Variants in IFT74 observed in about 807,000 individuals in gnomAD.
IFT74 encodes intraflagellar transport 74, also known as intraflagellar transport protein 74 homolog.
In IFT74, 92 loss-of-function variants were observed where a neutral mutation model predicts 96.7. That is an observed-to-expected ratio of 0.95 (90% confidence interval 0.80 to 1.13). IFT74 has a LOEUF of 1.13. Among genes scored for constraint, IFT74 ranks in the 50% most tolerant of loss-of-function variants. IFT74 has a pLI of 0.00. For synonymous variants in IFT74, 223 were observed against 213.2 expected, an observed-to-expected ratio of 1.05 and a Z score of -0.40; for missense variants, 811 against 698.2, an observed-to-expected ratio of 1.16 and a Z score of -1.82.
chr9:27,029,964 A>G (rs1328155273), intron 13 of IFT74, among the ~76,000 whole-genome samples: 1 of 152,062 alleles, frequency 6.6e-6, no homozygotes, highest in Non-Finnish European at 1.5e-5. Flanking sequence ...GAACTAATGC[A>G]GGTACCAGAA....
chr9:27,057,596 G>C (rs1219090272), intron 18 of IFT74, among the ~76,000 whole-genome samples: 2 of 152,226 alleles, frequency 1.3e-5, no homozygotes, highest in East Asian at 3.9e-4. Context: ...GGTGGTTCAC[G>C]CCTGTAATCC....
Position 26,961,953 on chromosome 9 carries a change from T to G in IFT74, c.-15T>G. 1 of 1,614,018 alleles carries G rather than the reference T, an allele frequency of 6.2e-7. No individual in the cohort carries two copies. Among genetic ancestry groups the G allele is most frequent in the Non-Finnish European group, 8.5e-7 (1 of 1,179,930 alleles). ...CTATTTATTGTTTCCAAACAGCGAT[T>G]AAAGTGAAGAAACAATGGCCAGCAA... On this transcript the variant is annotated 5_prime_UTR_variant, in exon 2 of 20. In the 5' UTR this introduces an upstream ATG that the reference lacks. Coordinates refer to ENST00000380062, the MANE Select transcript of IFT74 (RefSeq NM_025103.4).
intron 11 of IFT74, 61 bp downstream of exon 11, chr9:27,017,111 T>G: frequency 3.5e-6 from 5 of 1,442,954 alleles, no homozygotes; most frequent in Non-Finnish European, 4.7e-6. Flanking sequence ...ATTGATTTGT[T>G]TTTTTTAAAG....
intron 8 of IFT74, among the ~76,000 whole-genome samples, chr9:26,998,465 A>G (rs978573574): frequency 3.9e-5 from 6 of 152,196 alleles, no homozygotes; most frequent in African/African-American, 1.2e-4. Flanking sequence ...AGAGATTCCA[A>G]TTTGTCATAC....
intron 13 of IFT74, among the ~76,000 whole-genome samples, chr9:27,032,397 A>AT (rs1830168677): frequency 1.3e-5 from 2 of 152,218 alleles, no homozygotes; most frequent in African/African-American, 4.8e-5. Flanking sequence ...GGAAATGACA[A>AT]TTATAAGCCT....
intron 11 of IFT74, among the ~76,000 whole-genome samples, chr9:27,018,408 A>G (rs1371667300): frequency 6.6e-6 from 1 of 152,148 alleles, no homozygotes; most frequent in Non-Finnish European, 1.5e-5. Flanking sequence ...TGGTGCCTGG[A>G]GGGTAGCTGT....
chr9:27,035,496 T>C (rs1242051044), intron 13 of IFT74, among the ~76,000 whole-genome samples: 1 of 152,232 alleles, frequency 6.6e-6, no homozygotes, highest in African/African-American at 2.4e-5. Context: ...TTGTTAGAAA[T>C]GCAAATTCTT....
At chr9:27,045,763 G>A (rs1343680863) in intron 14 of IFT74, among the ~76,000 whole-genome samples, 2 of 152,088 alleles carry the variant, frequency 1.3e-5, no homozygotes, top group Non-Finnish European at 2.9e-5. Flanking sequence ...CTTCATGGAG[G>A]CATGCAATAA....
At chr9:27,010,029 G>A (rs936869069) in intron 9 of IFT74, among the ~76,000 whole-genome samples, 13 of 148,446 alleles carry the variant, frequency 8.8e-5, no homozygotes, top group African/African-American at 2.2e-4. Context: ...TCGCTCTGTC[G>A]CCCAGGCTGG....
chr9:26,965,707 G>T (rs368415505), intron 2 of IFT74, among the ~76,000 whole-genome samples: 4 of 152,066 alleles, frequency 2.6e-5, no homozygotes, highest in South Asian at 2.1e-4. Context: ...TAATGATGAA[G>T]TGTGGGCTTT....
In IFT74 at chr9:27,010,337, A is replaced by G. The variant is rs888218934; in HGVS notation, c.726+1179A>G. 2.0e-4 allele frequency among the ~76,000 whole-genome samples: 30 copies of G among 151,742 alleles called. 1 individual carries two copies. The highest frequency in any genetic ancestry group is 1.4e-3 in the Admixed American group (22 of 15,222). ...TCCTTTTCTGGCTATTTTGAAACAT[A>G]CAATTAATTACTGATAACTATAGCC... is the stretch of plus-strand genomic sequence containing the variant. On this transcript the variant is annotated intron_variant, in intron 9 of 19. Coordinates refer to ENST00000380062, the MANE Select transcript of IFT74 (RefSeq NM_025103.4).
Position 26,958,797 on chromosome 9 carries a change from A to C in IFT74, c.-20+2281A>C, listed in dbSNP as rs1395926350. ...GTGGAATCAGTTTATTAATTGTTAA[A>C]ACCCTGAGTGTGGATAAGGGGGCCC... On this transcript the variant is annotated intron_variant, in intron 1 of 19. Coordinates refer to ENST00000380062, the MANE Select transcript of IFT74 (RefSeq NM_025103.4). Among the ~76,000 whole-genome samples, 5 of 152,186 alleles carry C rather than the reference A, an allele frequency of 3.3e-5. No individual in the cohort carries two copies. In the East Asian group the frequency reaches 5.8e-4, roughly 18 times the overall value.
chr9:26,984,280 C>G lies in IFT74; in HGVS notation c.329C>G (p.Thr110Ser), dbSNP rs763208160. The G allele has an allele frequency of 3.2e-6, 5 of 1,567,332 alleles. No individual in the cohort carries two copies. The highest frequency in any genetic ancestry group is 1.4e-5 in the African/African-American group (1 of 72,800). The change falls in exon 5 of 20, where the codon ACT becomes AGT. Residue 110 changes from threonine (T) to serine (S), a missense_variant. Transcript: ENST00000380062. The part of the protein sequence containing the change: ...LLRSKISELT[T>S]EVNKLQKGIE... ...AGAAGTAAAATAAGTGAACTTACAA[C>G]TGAAGTTAATAAACTTCAGAAGGGA... is the stretch of plus-strand genomic sequence containing the variant.
At chr9:26,971,835 G>A (rs942832047) in intron 2 of IFT74, among the ~76,000 whole-genome samples, 1 of 152,096 alleles carries the variant, frequency 6.6e-6, no homozygotes, top group East Asian at 1.9e-4. Context: ...CACTCCAAAG[G>A]TGTACTTAGA....
chr9:26,969,442 G>T (rs532811203), intron 2 of IFT74, among the ~76,000 whole-genome samples: 1 of 151,864 alleles, frequency 6.6e-6, no homozygotes, highest in South Asian at 2.1e-4. Context: ...TTTAGCCTAT[G>T]TGTGTCTTTT....
chr9:27,018,745 C>T, intron 12 of IFT74, 58 bp downstream of exon 12: 1 of 1,100,250 alleles, frequency 9.1e-7, no homozygotes, highest in Non-Finnish European at 1.3e-6. Flanking sequence ...AAATTACATT[C>T]TAAAGGTACA....
chr9:26,980,553 TAA>T lies in IFT74; in HGVS notation c.257-15_257-14del. ...GCATTTCGAACTGAACACTAACACT[TAA>T]AACATTTTTTTTTAGGTCCCCAGAG... is the stretch of plus-strand genomic sequence containing the variant. On this transcript the variant is annotated splice_polypyrimidine_tract_variant and intron_variant, in intron 3 of 19. Transcript: ENST00000380062. 6.4e-7 allele frequency: 1 copy of T among 1,568,396 alleles called. No homozygotes were observed. The highest frequency in any genetic ancestry group is 8.8e-7 in the Non-Finnish European group (1 of 1,138,732).
At chr9:27,046,341 A>C (rs1295576362) in intron 14 of IFT74, among the ~76,000 whole-genome samples, 1 of 152,196 alleles carries the variant, frequency 6.6e-6, no homozygotes, top group Non-Finnish European at 1.5e-5. Flanking sequence ...TTTAAAAAAT[A>C]TGCTAAATAT....
At position 27,006,515 on chromosome 9, in the gene IFT74, G is replaced by A. The variant is rs12336232; in HGVS notation, c.588-2505G>A. The stretch of plus-strand genomic sequence containing the variant: ...AGTTACCTGGGTGGCTGAGGTGGGG[G>A]GATGGCTTGAGTTTGAGCATGCAGT... On this transcript the variant is annotated intron_variant, in intron 8 of 19. Coordinates refer to ENST00000380062, the MANE Select transcript of IFT74 (RefSeq NM_025103.4). Among the ~76,000 whole-genome samples, 1,270 of 152,128 alleles carry A rather than the reference G, an allele frequency of 8.3e-3. 16 individuals are homozygous for A. The highest frequency in any genetic ancestry group is 0.029 in the African/African-American group (1,194 of 41,498).
Sources: allele counts gnomAD v4.1 joint callset (sites outside exome capture counted in the v4.1 genomes callset), GRCh38; gene constraint gnomAD v4.1.1; transcripts MANE v1.5; gene names NCBI Gene and HGNC (gene_info 2026-07-23, HGNC 2026-07-21).